The following EXOC4 variants were observed in gnomAD, a reference collection of about 807,000 sequenced individuals.
EXOC4 encodes SEC8-like 1.
EXOC4 carries 71 observed loss-of-function variants against 107.2 expected under a neutral mutation model. The observed-to-expected ratio is 0.66, with a 90% CI of 0.55 to 0.81. The LOEUF (loss-of-function observed/expected upper bound fraction) is 0.81. Ranked by LOEUF, EXOC4 falls within the 30% of genes least tolerant of loss-of-function variation. The pLI, the probability that EXOC4 is intolerant of heterozygous loss-of-function variation, is 0.00. For missense variants in EXOC4, 1,108 were observed against 1,189.6 expected, an observed-to-expected ratio of 0.93 and a Z score of 1.01; for synonymous variants, 456 against 441.2, an observed-to-expected ratio of 1.03 and a Z score of -0.42.
chr7:133,802,849 C>CAAAAA (rs59489161), intron 10 of EXOC4, among the ~76,000 whole-genome samples: 2 of 64,220 alleles, frequency 3.1e-5, no homozygotes, highest in Non-Finnish European at 6.3e-5. Context: ...TCTGTCTCCA[C>CAAAAA]AAAAAAAAAA....
At position 133,810,505 on chromosome 7, in the gene EXOC4, T is replaced by C. The variant is rs145333842; in HGVS notation, c.1515-6820T>C. Among the ~76,000 whole-genome samples the C allele has an allele frequency of 2.4e-3, 360 of 152,260 alleles. 5 individuals carry two copies. The highest frequency in any genetic ancestry group is 8.1e-3 in the African/African-American group (336 of 41,558). On this transcript the variant is annotated intron_variant, in intron 10 of 17. Transcript: ENST00000253861. ...CACAGGTATTGCATATGTACATACA[T>C]TTAGAGGGCCTTTAGTTGAGAATCT... is the stretch of plus-strand genomic sequence containing the variant.
intron 10 of EXOC4, among the ~76,000 whole-genome samples, chr7:133,710,987 GGTAAA>G (rs1242669475): frequency 6.6e-6 from 1 of 151,550 alleles, no homozygotes; most frequent in Non-Finnish European, 1.5e-5. Flanking sequence ...GCACAGTATT[GGTAAA>G]GTAGAGTTCA....
At chr7:133,570,173 T>A (rs146459545) in intron 9 of EXOC4, among the ~76,000 whole-genome samples, 87 of 152,306 alleles carry the variant, frequency 5.7e-4, no homozygotes, top group African/African-American at 2.0e-3. Context: ...CAATATATAA[T>A]GTATAATAGA....
At chr7:133,631,774 C>T (rs1231521327) in intron 10 of EXOC4, among the ~76,000 whole-genome samples, 1 of 148,484 alleles carries the variant, frequency 6.7e-6, no homozygotes, top group Non-Finnish European at 1.5e-5. Context: ...TTTTATTTGA[C>T]TTTGGTAATT....
chr7:134,027,794 G>A (rs755716796), intron 17 of EXOC4, among the ~76,000 whole-genome samples: 4 of 152,108 alleles, frequency 2.6e-5, no homozygotes, highest in Non-Finnish European at 4.4e-5. Flanking sequence ...TCACTAGATC[G>A]TACTGTCAGA....
At chr7:134,053,999 G>A (rs1416280142) in intron 17 of EXOC4, among the ~76,000 whole-genome samples, 4 of 152,068 alleles carry the variant, frequency 2.6e-5, no homozygotes, top group African/African-American at 9.7e-5. Flanking sequence ...AGGCTGGAGT[G>A]CAATGCCATG....
At chr7:133,518,973 A>G (rs1375703485) in intron 9 of EXOC4, among the ~76,000 whole-genome samples, 3 of 152,202 alleles carry the variant, frequency 2.0e-5, no homozygotes, top group Non-Finnish European at 4.4e-5. Context: ...TAAAAATAGT[A>G]AAAATGGTAA....
chr7:133,263,456 A>G (rs190233318), intron 1 of EXOC4, among the ~76,000 whole-genome samples: 1 of 133,410 alleles, frequency 7.5e-6, no homozygotes, highest in African/African-American at 2.9e-5. Flanking sequence ...ATCTCAGCTC[A>G]CTTCATCCTC....
intron 10 of EXOC4, among the ~76,000 whole-genome samples, chr7:133,686,878 A>T (rs1794310823): frequency 6.6e-6 from 1 of 152,138 alleles, no homozygotes; most frequent in African/African-American, 2.4e-5. Context: ...GAGGAAAAAA[A>T]GTCATTATAC....
chr7:133,691,759 A>G lies in EXOC4; in HGVS notation c.1514+61618A>G, dbSNP rs76097583. On this transcript the variant is annotated intron_variant, in intron 10 of 17. Coordinates refer to ENST00000253861, the MANE Select transcript of EXOC4 (RefSeq NM_021807.4). ...GTGGCCACTTTGAGAAGGTTCAGCCAAAGTTGCTTCCTGGGGAGATGTATT... is the reference window on the plus strand; with the variant it reads ...GTGGCCACTTTGAGAAGGTTCAGCCGAAGTTGCTTCCTGGGGAGATGTATT... Among the ~76,000 whole-genome samples the G allele has an allele frequency of 3.3e-3, 508 of 152,334 alleles. 20 individuals carry two copies. In the East Asian group the frequency reaches 0.085, roughly 25 times the overall value.
chr7:133,427,503 A>C lies in EXOC4; in HGVS notation c.1183-47825A>C, dbSNP rs148713139. ...TTTTTCTTTTAATTTTTGGTAGAGCAGGAATTTTAACCTCCAGTCAGAAAG... is the reference window on the plus strand; with the variant it reads ...TTTTTCTTTTAATTTTTGGTAGAGCCGGAATTTTAACCTCCAGTCAGAAAG... On this transcript the variant is annotated intron_variant, in intron 7 of 17. Coordinates refer to ENST00000253861, the MANE Select transcript of EXOC4 (RefSeq NM_021807.4). 1.8e-4 allele frequency among the ~76,000 whole-genome samples: 27 copies of C among 152,312 alleles called. No homozygotes were observed. In the East Asian group the frequency reaches 3.7e-3, roughly 21 times the overall value.
At position 133,253,088 on chromosome 7, in the gene EXOC4, T is replaced by A; in HGVS notation, c.-14T>A. 6.2e-7 allele frequency: 1 copy of A among 1,613,970 alleles called. No individual in the cohort carries two copies. The highest frequency in any genetic ancestry group is 1.6e-4 in the Middle Eastern group (1 of 6,062). On this transcript the variant is annotated 5_prime_UTR_variant, in exon 1 of 18. Coordinates refer to ENST00000253861, the MANE Select transcript of EXOC4 (RefSeq NM_021807.4). ...TGGCTTCCTTGGAGCCTAGCGGCTC[T>A]CCCCGCGTCCAAGATGGCGGCAGAA...
intron 10 of EXOC4, among the ~76,000 whole-genome samples, chr7:133,694,124 C>T (rs535404320): frequency 2.6e-4 from 39 of 151,962 alleles, no homozygotes; most frequent in South Asian, 1.9e-3. Flanking sequence ...ATTAGCTGGG[C>T]GTTGTGTGTG....
chr7:133,673,567 G>C (rs1003017377), intron 10 of EXOC4, among the ~76,000 whole-genome samples: 3 of 152,078 alleles, frequency 2.0e-5, no homozygotes, highest in Admixed American at 1.3e-4. Context: ...TCTGCATTTG[G>C]AATTTCTCCT....
At chr7:133,631,482 A>AT (rs1163562616) in intron 10 of EXOC4, among the ~76,000 whole-genome samples, 1 of 152,108 alleles carries the variant, frequency 6.6e-6, no homozygotes, top group African/African-American at 2.4e-5. Context: ...TCCTCAATTG[A>AT]TTTTAAATAC....
At chr7:133,655,420 A>G (rs188685878) in intron 10 of EXOC4, among the ~76,000 whole-genome samples, 1 of 152,182 alleles carries the variant, frequency 6.6e-6, no homozygotes, top group Non-Finnish European at 1.5e-5. Flanking sequence ...GTATAATAGA[A>G]CACCTGAACA....
At chr7:133,521,778 C>A (rs1022617812) in intron 9 of EXOC4, among the ~76,000 whole-genome samples, 1 of 151,960 alleles carries the variant, frequency 6.6e-6, no homozygotes, top group African/African-American at 2.4e-5. Context: ...TGCCACCACG[C>A]CCGGCTAATT....
intron 9 of EXOC4, among the ~76,000 whole-genome samples, chr7:133,575,897 A>G (rs1310820662): frequency 6.6e-6 from 1 of 152,124 alleles, no homozygotes; most frequent in Non-Finnish European, 1.5e-5. Context: ...CAGGAGGACT[A>G]CATGTGGTTG....
intron 3 of EXOC4, among the ~76,000 whole-genome samples, chr7:133,298,446 T>G (rs1272268497): frequency 6.6e-6 from 1 of 152,214 alleles, no homozygotes; most frequent in Non-Finnish European, 1.5e-5. Flanking sequence ...TGAGTGACTT[T>G]AGGACGCTTG....
Sources: allele counts gnomAD v4.1 joint callset (sites outside exome capture counted in the v4.1 genomes callset), GRCh38; gene constraint gnomAD v4.1.1; transcripts MANE v1.5; gene names NCBI Gene and HGNC (gene_info 2026-07-23, HGNC 2026-07-21).